Variants in C19orf44 observed in about 807,000 individuals in gnomAD.
C19orf44 encodes uncharacterized protein C19orf44.
A neutral mutation model predicts 50.7 loss-of-function variants in C19orf44; 43 were observed. The ratio of observed to expected loss-of-function variants is 0.85; its 90% CI spans 0.66 to 1.09. The LOEUF (loss-of-function observed/expected upper bound fraction) is 1.09. C19orf44 is among the 50% of genes least tolerant of loss of function. The probability of loss-of-function intolerance (pLI) is 0.00; values close to 1 mark genes in which losing one functional copy is unlikely to be tolerated. For synonymous variants in C19orf44, 298 were observed against 334.7 expected (o/e 0.89, Z 1.20); for missense variants, 722 against 836.2 (o/e 0.86, Z 1.68).
rs2093466389 is a variant in C19orf44, at chr19:16,514,533, A to G, written c.1772A>G (p.His591Arg). The change falls in exon 7 of 9, where the codon CAT becomes CGT. Residue 591 changes from histidine to arginine, a missense_variant. Transcript: ENST00000221671. Reference protein sequence around the residue: ...TAYSPAVLALHDVLKQQLSLT... With the variant: ...TAYSPAVLALRDVLKQQLSLT... ...TACAGCCCGGCCGTGCTGGCACTCC[A>G]TGATGTGCTGAAGCAGCAGCTGAGC... 1 of 1,611,494 alleles carries G rather than the reference A, an allele frequency of 6.2e-7. No individual in the cohort carries two copies. The highest frequency in any genetic ancestry group is 8.5e-7 in the Non-Finnish European group (1 of 1,179,710).
At position 16,514,344 on chromosome 19, in the gene C19orf44, G is replaced by A. The variant is rs547463595; in HGVS notation, c.1736-153G>A. 2.7e-4 allele frequency among the ~76,000 whole-genome samples: 41 copies of A among 150,696 alleles called. No homozygotes were observed. The East Asian group carries it at 2.9e-3, about 11-fold the overall frequency. ...GGCTGCAGTGCGCTGTGATGGCACCGCTGTACTCCAGCCTGGGTGGCAGAG... is the reference window on the plus strand; with the variant it reads ...GGCTGCAGTGCGCTGTGATGGCACCACTGTACTCCAGCCTGGGTGGCAGAG... On this transcript the variant is annotated intron_variant, in intron 6 of 8. Transcript: ENST00000221671.
chr19:16,510,119 G>T (rs779300586), intron 5 of C19orf44, 131 bp downstream of exon 5: 2 of 1,445,736 alleles, frequency 1.4e-6, no homozygotes, highest in East Asian at 4.8e-5. Flanking sequence ...ATCACCTGGA[G>T]GGGTTGGCCA....
Position 16,520,822 on chromosome 19 carries a change from T to C in C19orf44, c.*769T>C, listed in dbSNP as rs754209070. On this transcript the variant is annotated 3_prime_UTR_variant, in exon 9 of 9. Transcript: ENST00000221671. This position sits in a 1 kb window ranked among gnomAD's most constrained non-coding sequence, Gnocchi z 4.0. ...CCGGCCACTGCAGACATCTGCGCTT[T>C]TACCTGTTCCTCTTCTCCTGGCCTT... 6.2e-7 allele frequency: 1 copy of C among 1,613,560 alleles called. No individual in the cohort carries two copies. Among genetic ancestry groups the C allele is most frequent in the Admixed American group, 1.7e-5 (1 of 60,022 alleles).
At chr19:16,510,725 TTC>T (rs137945542) in intron 5 of C19orf44, among the ~76,000 whole-genome samples, 1 of 151,088 alleles carries the variant, frequency 6.6e-6, no homozygotes, top group Non-Finnish European at 1.5e-5. Context: ...TTCCAGATAT[TTC>T]TCTCTCTCTC....
At chr19:16,507,479 A>T (rs946747041) in intron 4 of C19orf44, among the ~76,000 whole-genome samples, 24 of 145,950 alleles carry the variant, frequency 1.6e-4, no homozygotes, top group African/African-American at 2.2e-4. Flanking sequence ...TATTATTATT[A>T]TTTTTTATTT....
At position 16,519,777 on chromosome 19, in the gene C19orf44, G is replaced by A; in HGVS notation, c.*41-317G>A. The A allele has an allele frequency of 7.2e-7, 1 of 1,392,320 alleles. No individual in the cohort carries two copies. Among genetic ancestry groups the A allele is most frequent in the Non-Finnish European group, 1.0e-6 (1 of 978,422 alleles). The allele number at this position is 1,392,320 out of a possible 1,614,324, so 86.2% of individuals were successfully genotyped here. A position where few individuals can be genotyped will look rare whatever the true frequency, so the allele number is the denominator to read the frequency against. On this transcript the variant is annotated intron_variant, in intron 8 of 8. Coordinates refer to ENST00000221671, the MANE Select transcript of C19orf44 (RefSeq NM_032207.4). This position sits in a 1 kb window ranked among gnomAD's most constrained non-coding sequence, Gnocchi z 6.0. ...CTGAGACATTTATTGGAATGACAGTGATGAGGACCTCACAGCCGCAGCTTG... is the reference window on the plus strand; with the variant it reads ...CTGAGACATTTATTGGAATGACAGTAATGAGGACCTCACAGCCGCAGCTTG...
In C19orf44 at chr19:16,514,592, C is replaced by T. The variant is rs1296100619; in HGVS notation, c.1831C>T (p.Leu611=). 2 of 1,606,604 alleles carry T rather than the reference C, an allele frequency of 1.2e-6. No individual in the cohort carries two copies. Among genetic ancestry groups the T allele is most frequent in the African/African-American group, 1.3e-5 (1 of 74,856 alleles). The change falls in exon 7 of 9, where the codon CTG becomes TTG. Residue 611 remains leucine (L), a synonymous_variant. Transcript: ENST00000221671. ...TQQFIQASRH[L]HASLLRSLDA... ...GCAGTTCATCCAGGCCAGCCGGCAC[C>T]TGCACGCCTCCCTCCTGCGCTCCCT...
chr19:16,509,449 T>C, intron 4 of C19orf44, 50 bp from the exon 5 acceptor site: 1 of 1,523,062 alleles, frequency 6.6e-7, no homozygotes, highest in Non-Finnish European at 8.8e-7. Flanking sequence ...TCCTAGCATG[T>C]TGATATTTCC....
In C19orf44 at chr19:16,520,209, C is replaced by T. The variant is rs2085596943; in HGVS notation, c.*156C>T. 1.2e-6 allele frequency: 2 copies of T among 1,613,374 alleles called. No individual in the cohort carries two copies. The highest frequency in any genetic ancestry group is 1.7e-6 in the Non-Finnish European group (2 of 1,180,024). On this transcript the variant is annotated 3_prime_UTR_variant, in exon 9 of 9. Coordinates refer to ENST00000221671, the MANE Select transcript of C19orf44 (RefSeq NM_032207.4). This position sits in a 1 kb window ranked among gnomAD's most constrained non-coding sequence, Gnocchi z 4.0. Reference sequence around the variant, plus strand: ...TCTTCCTGGGGAGTACGACTTGGACCGGGACCGCGACTGGGACCGGGAGCG... The same window carrying T: ...TCTTCCTGGGGAGTACGACTTGGACTGGGACCGCGACTGGGACCGGGAGCG...
chr19:16,512,899 C>T, intron 5 of C19orf44, 115 bp from the exon 6 acceptor site: 3 of 821,716 alleles, frequency 3.7e-6, no homozygotes, highest in Admixed American at 2.8e-5. Context: ...TGGCGATCAC[C>T]TTCAGAAAGA....
chr19:16,502,535 C>T (rs944549730), intron 2 of C19orf44, among the ~76,000 whole-genome samples: 2 of 152,108 alleles, frequency 1.3e-5, no homozygotes, highest in Non-Finnish European at 2.9e-5. Flanking sequence ...CCACGCCCAG[C>T]CTTGTGGAAT....
chr19:16,511,018 G>A (rs2093455743), intron 5 of C19orf44, among the ~76,000 whole-genome samples: 1 of 151,534 alleles, frequency 6.6e-6, no homozygotes, highest in Non-Finnish European at 1.5e-5. Flanking sequence ...TTACAGGCGT[G>A]AGCCACTGCA....
chr19:16,516,788 G>C (rs1438686063), intron 7 of C19orf44, among the ~76,000 whole-genome samples: 1 of 152,222 alleles, frequency 6.6e-6, no homozygotes, highest in Non-Finnish European at 1.5e-5. Context: ...AAGAGGGCAG[G>C]TTGTGAGTCC....
rs769134219 is a variant in C19orf44, at chr19:16,503,183, G to T, written c.878G>T (p.Arg293Leu). Residue 293 changes from arginine to leucine, a missense_variant, in exon 3 of 9, where the codon CGC (arginine) becomes CTC (leucine). Arg to Leu is a moderately radical substitution (Grantham distance 102). Coordinates refer to ENST00000221671, the MANE Select transcript of C19orf44 (RefSeq NM_032207.4). ...LAADRTLHST[R>L]SRADYPQSHV... ...GCAGACAGAACCCTTCACAGCACTC[G>T]CTCAAGAGCAGACTACCCACAGAGT... 15 of 1,613,912 alleles carry T rather than the reference G, an allele frequency of 9.3e-6. No homozygotes were observed. Among genetic ancestry groups the T allele is most frequent in the African/African-American group, 1.3e-5 (1 of 74,874 alleles).
intron 2 of C19orf44, among the ~76,000 whole-genome samples, chr19:16,502,003 A>T (rs1326809253): frequency 6.7e-6 from 1 of 148,840 alleles, no homozygotes; most frequent in Non-Finnish European, 1.5e-5. Context: ...TCCACCTCCC[A>T]GGTTCAAGTG....
chr19:16,503,922 T>C (rs1000631513), intron 3 of C19orf44, among the ~76,000 whole-genome samples: 3 of 152,138 alleles, frequency 2.0e-5, no homozygotes, highest in African/African-American at 7.2e-5. Context: ...AGGCTAGGCC[T>C]GGTGGCTCAC....
intron 7 of C19orf44, among the ~76,000 whole-genome samples, chr19:16,515,489 T>C (rs995756395): frequency 4.6e-5 from 7 of 152,236 alleles, no homozygotes; most frequent in Non-Finnish European, 1.0e-4. Flanking sequence ...ATATATATAC[T>C]CCTTCAGACT....
chr19:16,500,442 A>G (rs1050951861), intron 1 of C19orf44, among the ~76,000 whole-genome samples: 1 of 150,224 alleles, frequency 6.7e-6, no homozygotes, highest in Non-Finnish European at 1.5e-5. Context: ...CTGTAGTCCC[A>G]GCTACACAGG....
intron 7 of C19orf44, 77 bp from the exon 8 acceptor site, chr19:16,517,153 C>G: frequency 7.3e-7 from 1 of 1,365,266 alleles, no homozygotes; most frequent in East Asian, 2.4e-5. Context: ...GCTGGCTCCA[C>G]TCCCTCCTCC....
Sources: gnomAD v4.1 joint callset for allele counts (sites outside exome capture counted in the v4.1 genomes callset) on GRCh38, gnomAD v4.1.1 for gene constraint, Gnocchi (gnomAD v3.1) non-coding constraint, MANE v1.5 for transcripts, NCBI Gene and HGNC (gene_info 2026-07-23, HGNC 2026-07-21) for gene names.